Variants in GABRG3 observed in about 807,000 individuals in gnomAD.
The protein encoded by GABRG3 is gamma-aminobutyric acid type A receptor subunit gamma3.
GABRG3 carries 25 observed loss-of-function variants against 48.8 expected under a neutral mutation model. The observed-to-expected ratio is 0.51, with a 90% CI of 0.37 to 0.72. The LOEUF is 0.72. Among genes scored for constraint, GABRG3 ranks in the 30% least tolerant of loss-of-function variants. The pLI is 0.00. For missense variants in GABRG3, 394 were observed against 577.9 expected (o/e 0.68, Z 3.26); for synonymous variants, 227 against 217.6 (o/e 1.04, Z -0.38).
intron 6 of GABRG3, among the ~76,000 whole-genome samples, chr15:27,514,134 C>T (rs547941267): frequency 5.3e-5 from 8 of 152,182 alleles, no homozygotes; most frequent in Admixed American, 2.6e-4. Flanking sequence ...GCACAAAGAC[C>T]GAAGAAGAGC....
intron 3 of GABRG3, among the ~76,000 whole-genome samples, chr15:27,137,878 G>T (rs896969645): frequency 6.6e-6 from 1 of 152,100 alleles, no homozygotes; most frequent in Non-Finnish European, 1.5e-5. Context: ...GTAAGTAAAG[G>T]TTTTCCCTTC....
At chr15:27,487,976 T>C (rs1228752399) in intron 6 of GABRG3, among the ~76,000 whole-genome samples, 1 of 152,132 alleles carries the variant, frequency 6.6e-6, no homozygotes, top group Non-Finnish European at 1.5e-5. Flanking sequence ...GTTCATGAAA[T>C]GCGAGGGCGA....
chr15:27,039,477 T>G (rs554792874), intron 3 of GABRG3, among the ~76,000 whole-genome samples: 1 of 152,306 alleles, frequency 6.6e-6, no homozygotes, highest in South Asian at 2.1e-4. Flanking sequence ...CTTAGGTCCC[T>G]GCATGCTGCT....
intron 2 of GABRG3, among the ~76,000 whole-genome samples, chr15:26,997,137 G>A (rs144627034): frequency 6.6e-6 from 1 of 151,914 alleles, no homozygotes; most frequent in East Asian, 1.9e-4. Flanking sequence ...TTTGATTATT[G>A]TACTTTTTCG....
At chr15:27,373,285 T>G (rs1442579992) in intron 5 of GABRG3, among the ~76,000 whole-genome samples, 1 of 152,224 alleles carries the variant, frequency 6.6e-6, no homozygotes, top group Non-Finnish European at 1.5e-5. Context: ...CAAGTGTTTT[T>G]ATCAACTCAT....
intron 3 of GABRG3, among the ~76,000 whole-genome samples, chr15:27,284,693 C>T (rs1891551746): frequency 6.6e-6 from 1 of 152,150 alleles, no homozygotes. Flanking sequence ...TCCATGGAGA[C>T]AGAACATAAC....
At chr15:27,490,264 T>A (rs548928928) in intron 6 of GABRG3, among the ~76,000 whole-genome samples, 1 of 152,336 alleles carries the variant, frequency 6.6e-6, no homozygotes, top group African/African-American at 2.4e-5. Context: ...ACAAATTCGT[T>A]TTCTATGAAA....
chr15:27,215,080 G>T (rs923320042), intron 3 of GABRG3, among the ~76,000 whole-genome samples: 1 of 152,000 alleles, frequency 6.6e-6, no homozygotes, highest in African/African-American at 2.4e-5. Context: ...TTTTTCTTTT[G>T]TCCTAGATAA....
chr15:27,418,384 G>T (rs944574692), intron 5 of GABRG3, among the ~76,000 whole-genome samples: 8 of 152,192 alleles, frequency 5.3e-5, no homozygotes, highest in East Asian at 3.9e-4. Flanking sequence ...AGCAGGCCTG[G>T]CCACCCAGAC....
chr15:27,075,548 T>C (rs998473479), intron 3 of GABRG3, among the ~76,000 whole-genome samples: 7 of 152,212 alleles, frequency 4.6e-5, no homozygotes, highest in Non-Finnish European at 1.0e-4. Context: ...GAGAACTCTT[T>C]CCATATTGTT....
At chr15:27,054,555 T>C (rs1051953910) in intron 3 of GABRG3, among the ~76,000 whole-genome samples, 1 of 152,186 alleles carries the variant, frequency 6.6e-6, no homozygotes, top group Non-Finnish European at 1.5e-5. Context: ...CTGTAAGACT[T>C]GACTGAGTGT....
chr15:27,269,382 G>A (rs6606894), intron 3 of GABRG3, among the ~76,000 whole-genome samples: 152,096 of 152,352 alleles, frequency 1, 75,920 homozygotes, highest in Middle Eastern at 1. Context: ...TGTTGTTCTT[G>A]TTACCCTGTG....
intron 3 of GABRG3, among the ~76,000 whole-genome samples, chr15:27,311,749 A>G (rs1258744711): frequency 6.6e-6 from 1 of 152,104 alleles, no homozygotes; most frequent in African/African-American, 2.4e-5. Context: ...GGGACACAGT[A>G]TATTCTAGAT....
Position 27,033,864 on chromosome 15 carries a change from A to G in GABRG3, c.270+7043A>G, listed in dbSNP as rs537258768. ...AGGATTGTTTGTTGCTATTCTTGCT[A>G]TTGTATTACAACCTGTAAATTTTGT... On this transcript the variant is annotated intron_variant, in intron 3 of 9. Coordinates refer to ENST00000615808, the MANE Select transcript of GABRG3 (RefSeq NM_033223.5). Among the ~76,000 whole-genome samples, 31 of 152,258 alleles carry G rather than the reference A, an allele frequency of 2.0e-4. No individual in the cohort carries two copies. The South Asian group carries it at 6.0e-3, about 30-fold the overall frequency.
At chr15:27,317,463 G>T (rs1367643662) in intron 3 of GABRG3, among the ~76,000 whole-genome samples, 5 of 152,146 alleles carry the variant, frequency 3.3e-5, no homozygotes, top group Non-Finnish European at 7.3e-5. Flanking sequence ...CTTTATCTCA[G>T]TTTCTTCTTC....
intron 3 of GABRG3, among the ~76,000 whole-genome samples, chr15:27,120,632 T>A (rs1364929622): frequency 6.6e-6 from 1 of 152,190 alleles, no homozygotes; most frequent in East Asian, 1.9e-4. Context: ...TCTGCTTGTC[T>A]ATAGGCGCTC....
At chr15:27,502,279 T>G (rs1438870113) in intron 6 of GABRG3, among the ~76,000 whole-genome samples, 2 of 152,232 alleles carry the variant, frequency 1.3e-5, no homozygotes, top group African/African-American at 2.4e-5. Context: ...GTTTGATCCA[T>G]AGGCTGTTTA....
intron 3 of GABRG3, among the ~76,000 whole-genome samples, chr15:27,134,110 C>G (rs982770059): frequency 1.3e-5 from 2 of 152,120 alleles, no homozygotes; most frequent in Non-Finnish European, 2.9e-5. Flanking sequence ...CTGAGCTTGT[C>G]CATAGGCATC....
rs542189463 is a variant in GABRG3, at chr15:27,319,720, C to T, written c.271-7089C>T. 1.6e-4 allele frequency among the ~76,000 whole-genome samples: 25 copies of T among 152,214 alleles called. No individual in the cohort carries two copies. Among genetic ancestry groups the T allele is most frequent in the South Asian group, 6.2e-4 (3 of 4,822 alleles). On this transcript the variant is annotated intron_variant, in intron 3 of 9. Transcript: ENST00000615808. This position sits in a 1 kb window ranked among gnomAD's most constrained non-coding sequence, Gnocchi z 4.4. ...TGCCGGGATGTTGTACCAATGCGTG[C>T]ACCATGGTGGCTATAGTAACGGGTT...
Sources: gnomAD v4.1 joint callset for allele counts (sites outside exome capture counted in the v4.1 genomes callset) on GRCh38, gnomAD v4.1.1 for gene constraint, Gnocchi (gnomAD v3.1) non-coding constraint, MANE v1.5 for transcripts, NCBI Gene and HGNC (gene_info 2026-07-23, HGNC 2026-07-21) for gene names.